Variants in FMNL2 observed in about 807,000 individuals in gnomAD.
The protein encoded by FMNL2 is formin-like protein 2.
FMNL2 carries 51 observed loss-of-function variants against 130.2 expected under a neutral mutation model. The ratio of observed to expected loss-of-function variants is 0.39; its 90% confidence interval spans 0.31 to 0.49. The LOEUF (loss-of-function observed/expected upper bound fraction) is 0.49. Among genes scored for constraint, FMNL2 ranks in the 20% least tolerant of loss-of-function variants. The pLI is 0.85. For missense variants in FMNL2, 977 were observed against 1,316.2 expected (o/e 0.74, Z 3.99); for synonymous variants, 465 against 467.1 (o/e 1.00, Z 0.06).
intron 1 of FMNL2, among the ~76,000 whole-genome samples, chr2:152,399,336 G>A (rs771010146): frequency 6.6e-6 from 1 of 152,234 alleles, no homozygotes; most frequent in Non-Finnish European, 1.5e-5. Flanking sequence ...TGAAATGATG[G>A]TTGAAAGGGG....
At chr2:152,621,560 G>A (rs1681304658) in intron 15 of FMNL2, among the ~76,000 whole-genome samples, 1 of 152,158 alleles carries the variant, frequency 6.6e-6, no homozygotes, top group Non-Finnish European at 1.5e-5. Context: ...TTAGAGGACT[G>A]TAGGTGGGAA....
At chr2:152,489,177 T>A (rs1691005419) in intron 1 of FMNL2, among the ~76,000 whole-genome samples, 1 of 150,824 alleles carries the variant, frequency 6.6e-6, no homozygotes, top group Non-Finnish European at 1.5e-5. Flanking sequence ...AAAAGAAGTG[T>A]TCCCTACAGT....
chr2:152,636,999 A>C (rs557340937), intron 22 of FMNL2, among the ~76,000 whole-genome samples: 1 of 152,324 alleles, frequency 6.6e-6, no homozygotes, highest in Non-Finnish European at 1.5e-5. Flanking sequence ...CCTGCAAAAC[A>C]GAATGAACAG....
Position 152,640,070 on chromosome 2 carries a change from C to A in FMNL2, c.3045+14C>A. On this transcript the variant is annotated intron_variant, in intron 24 of 25. Transcript: ENST00000288670. The stretch of plus-strand genomic sequence containing the variant: ...CAGGATCCAAAGGTAAGAAGTGCCG[C>A]ACTCATGAGACAGGTCCGTGAGGAG... The A allele has an allele frequency of 6.5e-7, 1 of 1,541,494 alleles. No individual in the cohort carries two copies. The highest frequency in any genetic ancestry group is 8.7e-7 in the Non-Finnish European group (1 of 1,143,682).
At chr2:152,500,991 T>C (rs1238105534) in intron 1 of FMNL2, among the ~76,000 whole-genome samples, 5 of 152,272 alleles carry the variant, frequency 3.3e-5, no homozygotes, top group African/African-American at 4.8e-5. Context: ...CACTCGGCTT[T>C]AGCCCATACT....
intron 1 of FMNL2, among the ~76,000 whole-genome samples, chr2:152,358,835 A>C (rs539135125): frequency 1.3e-5 from 2 of 152,316 alleles, no homozygotes; most frequent in East Asian, 3.9e-4. Flanking sequence ...CACCTGATGC[A>C]CAGGTATAAA....
chr2:152,527,349 C>T (rs1693445728), intron 2 of FMNL2, among the ~76,000 whole-genome samples: 1 of 152,114 alleles, frequency 6.6e-6, no homozygotes, highest in Non-Finnish European at 1.5e-5. Context: ...TGTTTGGTGT[C>T]ACTTTGTCAC....
chr2:152,456,584 C>T (rs1463069076), intron 1 of FMNL2, among the ~76,000 whole-genome samples: 1 of 152,136 alleles, frequency 6.6e-6, no homozygotes, highest in Admixed American at 6.5e-5. Flanking sequence ...TGATTCAAGA[C>T]CGATTTATAA....
intron 1 of FMNL2, among the ~76,000 whole-genome samples, chr2:152,486,518 A>G (rs1690837299): frequency 6.6e-6 from 1 of 152,220 alleles, no homozygotes; most frequent in African/African-American, 2.4e-5. Flanking sequence ...TTTCTTTTAA[A>G]TGGAAGGTTA....
At chr2:152,438,608 G>GA (rs1687901334) in intron 1 of FMNL2, among the ~76,000 whole-genome samples, 1 of 152,164 alleles carries the variant, frequency 6.6e-6, no homozygotes, top group African/African-American at 2.4e-5. Context: ...GTAGGTCAGT[G>GA]AAAAATTGTC....
intron 1 of FMNL2, among the ~76,000 whole-genome samples, chr2:152,497,864 G>C (rs1172280703): frequency 6.6e-6 from 1 of 152,134 alleles, no homozygotes; most frequent in African/African-American, 2.4e-5. Context: ...GATATCATCT[G>C]AGGCTTGGGA....
In FMNL2 at chr2:152,637,681, G is replaced by A. The variant is rs371258991; in HGVS notation, c.2946+7G>A. 19 of 1,611,460 alleles carry A rather than the reference G, an allele frequency of 1.2e-5. No homozygotes were observed. The highest frequency in any genetic ancestry group is 1.5e-5 in the Non-Finnish European group (18 of 1,177,744). On this transcript the variant is annotated splice_region_variant and intron_variant, in intron 23 of 25. Coordinates refer to ENST00000288670, the MANE Select transcript of FMNL2 (RefSeq NM_052905.4). ...GTTTGTGAAAGCATATAAGGTATATGTTAAGGCCCTCCTTGCCCTTATTTC... is the reference window on the plus strand; with the variant it reads ...GTTTGTGAAAGCATATAAGGTATATATTAAGGCCCTCCTTGCCCTTATTTC...
intron 2 of FMNL2, among the ~76,000 whole-genome samples, chr2:152,529,842 G>T (rs1693594044): frequency 6.6e-6 from 1 of 152,144 alleles, no homozygotes; most frequent in African/African-American, 2.4e-5. Flanking sequence ...CCTTTTTGGT[G>T]GCTTGATAGA....
At chr2:152,515,466 A>G (rs1328100869) in intron 1 of FMNL2, among the ~76,000 whole-genome samples, 2 of 152,196 alleles carry the variant, frequency 1.3e-5, no homozygotes, top group Non-Finnish European at 2.9e-5. Context: ...ACTTCAATTA[A>G]AATGCCAGTA....
intron 2 of FMNL2, among the ~76,000 whole-genome samples, chr2:152,537,486 C>T (rs763717052): frequency 7.2e-5 from 11 of 152,156 alleles, no homozygotes; most frequent in Non-Finnish European, 1.2e-4. Context: ...GACACAGCTG[C>T]GGCTCATCAG....
chr2:152,598,807 T>C, intron 9 of FMNL2, among the ~76,000 whole-genome samples: 1 of 152,194 alleles, frequency 6.6e-6, no homozygotes. Context: ...AGGACATCTA[T>C]AGATATATCT....
At chr2:152,547,381 G>A (rs1457421416) in intron 3 of FMNL2, among the ~76,000 whole-genome samples, 1 of 152,202 alleles carries the variant, frequency 6.6e-6, no homozygotes, top group Non-Finnish European at 1.5e-5. Flanking sequence ...GAAGAGGGGA[G>A]TGCCTCTCTT....
chr2:152,589,603 CTGGTTT>C (rs1313640941), intron 9 of FMNL2, among the ~76,000 whole-genome samples: 24 of 152,082 alleles, frequency 1.6e-4, no homozygotes, highest in Non-Finnish European at 3.4e-4. Context: ...TTGATATTGT[CTGGTTT>C]AAGGTACAGA....
At chr2:152,538,088 C>A (rs1171092990) in intron 2 of FMNL2, among the ~76,000 whole-genome samples, 3 of 152,112 alleles carry the variant, frequency 2.0e-5, no homozygotes, top group Non-Finnish European at 4.4e-5. Context: ...AAAAGTACTG[C>A]CCCACATGAA....
Sources: allele counts gnomAD v4.1 joint callset (sites outside exome capture counted in the v4.1 genomes callset), GRCh38; gene constraint gnomAD v4.1.1; transcripts MANE v1.5; gene names NCBI Gene and HGNC (gene_info 2026-07-23, HGNC 2026-07-21).